Variants in RAD51B observed in about 807,000 individuals in gnomAD.
RAD51B encodes the protein RAD51 paralog B, also known as DNA repair protein RAD51 homolog 2.
A neutral mutation model predicts 42.2 loss-of-function variants in RAD51B; 38 were observed. The observed-to-expected ratio is 0.90, with a 90% CI of 0.70 to 1.18. The LOEUF (loss-of-function observed/expected upper bound fraction) is 1.18. RAD51B is among the 50% of genes most tolerant of loss of function. The pLI, the probability that RAD51B is intolerant of heterozygous loss-of-function variation, is 0.00. For missense variants in RAD51B, 373 were observed against 400.7 expected (o/e 0.93, Z 0.59); for synonymous variants, 154 against 145.2 (o/e 1.06, Z -0.43).
At chr14:68,120,799 C>G (rs2077637614) in intron 7 of RAD51B, among the ~76,000 whole-genome samples, 1 of 152,098 alleles carries the variant, frequency 6.6e-6, no homozygotes, top group South Asian at 2.1e-4. Flanking sequence ...AACCCAGGCT[C>G]TAGTTCATTA....
chr14:68,231,537 A>C (rs1454672116), intron 7 of RAD51B, among the ~76,000 whole-genome samples: 1 of 152,184 alleles, frequency 6.6e-6, no homozygotes, highest in East Asian at 1.9e-4. Flanking sequence ...TTGTGTGCCA[A>C]AAGGCAAAAT....
At chr14:67,847,264 C>T (rs2041647449) in intron 4 of RAD51B, among the ~76,000 whole-genome samples, 1 of 151,774 alleles carries the variant, frequency 6.6e-6, no homozygotes. Flanking sequence ...CATCTTGCCC[C>T]AGGGTCTTCT....
At chr14:68,267,039 C>A (rs940223724) in intron 7 of RAD51B, among the ~76,000 whole-genome samples, 2 of 152,212 alleles carry the variant, frequency 1.3e-5, no homozygotes, top group African/African-American at 4.8e-5. Flanking sequence ...AAACCTCGAG[C>A]TCTCTCTAGG....
chr14:67,995,246 C>T (rs751458294), intron 7 of RAD51B, among the ~76,000 whole-genome samples: 4 of 151,928 alleles, frequency 2.6e-5, no homozygotes, highest in South Asian at 2.1e-4. Context: ...ATTAGCTGGG[C>T]GTGGTTGGCA....
intron 7 of RAD51B, among the ~76,000 whole-genome samples, chr14:68,280,559 A>G (rs1220327598): frequency 6.6e-6 from 1 of 152,216 alleles, no homozygotes; most frequent in African/African-American, 2.4e-5. Context: ...AAGCCAACAC[A>G]ACTCAAGCAA....
rs117108193 is a variant in RAD51B at position 68,643,739 on chromosome 14, G to A, written c.1037-7042G>A. 1.8e-3 allele frequency among the ~76,000 whole-genome samples: 268 copies of A among 152,292 alleles called. 13 individuals carry two copies. In the East Asian group the frequency reaches 0.035, roughly 20 times the overall value. On this transcript the variant is annotated intron_variant, in intron 10 of 11. Coordinates refer to the RAD51B transcript ENST00000488612. ...CCAGGAAATCAGAGCAGCTCCTTGT[G>A]TTTTCCCCTTTTTAGGAGGTCTGGG...
chr14:68,533,723 A>G (rs1400531037), intron 10 of RAD51B, among the ~76,000 whole-genome samples: 1 of 152,228 alleles, frequency 6.6e-6, no homozygotes, highest in Admixed American at 6.5e-5. Context: ...AAACTTTACT[A>G]TGGAAAAAAA....
intron 7 of RAD51B, among the ~76,000 whole-genome samples, chr14:67,936,798 C>T (rs1367810161): frequency 6.6e-6 from 1 of 152,104 alleles, no homozygotes; most frequent in Non-Finnish European, 1.5e-5. Flanking sequence ...GTGGTTATGT[C>T]ATTGTGGTTT....
At chr14:68,125,761 T>C (rs1191028229) in intron 7 of RAD51B, among the ~76,000 whole-genome samples, 1 of 152,126 alleles carries the variant, frequency 6.6e-6, no homozygotes, top group Admixed American at 6.5e-5. Flanking sequence ...TTTGTTTTGT[T>C]TTTTCAAAGA....
intron 8 of RAD51B, among the ~76,000 whole-genome samples, chr14:68,373,719 G>A (rs1269699545): frequency 6.6e-6 from 1 of 152,086 alleles, no homozygotes; most frequent in Non-Finnish European, 1.5e-5. Flanking sequence ...AAACCACCAT[G>A]GCACAAGTAT....
In RAD51B at chr14:68,541,203, T is replaced by C. The variant is rs114753572; in HGVS notation, c.1037-53282T>C. ...AGGGAGAGGCTGCAGATCCTTTCTCTGCTCAGCTCCGTTCGGGCTCCTCTT... is the reference window on the plus strand; with the variant it reads ...AGGGAGAGGCTGCAGATCCTTTCTCCGCTCAGCTCCGTTCGGGCTCCTCTT... On this transcript the variant is annotated intron_variant, in intron 10 of 10. Coordinates refer to the RAD51B transcript ENST00000487270. 1.6e-3 allele frequency: 1,563 copies of C among 985,442 alleles called. 24 individuals are homozygous for C. The African/African-American group carries it at 0.026, about 16-fold the overall frequency. 61.0% of individuals were successfully genotyped at this position (985,442 alleles called of 1,614,324 possible).
At chr14:68,375,107 C>G (rs531229786) in intron 8 of RAD51B, among the ~76,000 whole-genome samples, 42 of 152,054 alleles carry the variant, frequency 2.8e-4, no homozygotes, top group African/African-American at 9.6e-4. Context: ...CTTCAACAAC[C>G]AAAACTTAGC....
At chr14:68,262,108 T>C (rs1364718636) in intron 7 of RAD51B, among the ~76,000 whole-genome samples, 2 of 152,248 alleles carry the variant, frequency 1.3e-5, no homozygotes, top group Admixed American at 6.5e-5. Context: ...GAAAGTTTAC[T>C]GTGCATTGTT....
At chr14:68,603,639 A>G (rs1433932251) in intron 10 of RAD51B, among the ~76,000 whole-genome samples, 1 of 152,194 alleles carries the variant, frequency 6.6e-6, no homozygotes, top group African/African-American at 2.4e-5. Flanking sequence ...TAAAAGGCCA[A>G]GTTAACTGCA....
chr14:68,462,616 C>T (rs2085873376), intron 9 of RAD51B, among the ~76,000 whole-genome samples: 1 of 152,176 alleles, frequency 6.6e-6, no homozygotes, highest in Admixed American at 6.5e-5. Flanking sequence ...GTCTCAAACT[C>T]CTGGCCTCCA....
At chr14:67,952,135 A>T (rs577394485) in intron 7 of RAD51B, among the ~76,000 whole-genome samples, 1 of 152,276 alleles carries the variant, frequency 6.6e-6, no homozygotes, top group East Asian at 1.9e-4. Flanking sequence ...TATTGTCACA[A>T]AAGATTCAAC....
At chr14:68,652,257 C>G (rs560049808) in intron 11 of RAD51B, among the ~76,000 whole-genome samples, 1 of 152,188 alleles carries the variant, frequency 6.6e-6, no homozygotes, top group African/African-American at 2.4e-5. Flanking sequence ...CACGCAGCCC[C>G]GATATTCTCC....
At chr14:68,648,112 CGTATATATATAT>C (rs1892615421) in intron 10 of RAD51B, among the ~76,000 whole-genome samples, 18 of 39,508 alleles carry the variant, frequency 4.6e-4, no homozygotes, top group African/African-American at 1.5e-3. Flanking sequence ...TATACACACA[CGTATATATATAT>C]ACACACACGT....
At chr14:68,133,741 G>C (rs113343774) in intron 7 of RAD51B, among the ~76,000 whole-genome samples, 2,154 of 152,178 alleles carry the variant, frequency 0.014, 51 homozygotes, top group African/African-American at 0.048. Context: ...CAAAGTGCTG[G>C]GATTACAGGC....
Sources: gnomAD v4.1 joint callset for allele counts (sites outside exome capture counted in the v4.1 genomes callset) on GRCh38, gnomAD v4.1.1 for gene constraint, MANE v1.5 for transcripts, NCBI Gene and HGNC (gene_info 2026-07-23, HGNC 2026-07-21) for gene names.